The following CNTNAP5 variants were observed in gnomAD, a reference collection of about 807,000 sequenced individuals.
CNTNAP5 encodes contactin associated protein family member 5.
A neutral mutation model predicts 150.2 loss-of-function variants in CNTNAP5; 72 were observed. That is an observed-to-expected ratio of 0.48 (90% CI 0.40 to 0.58). CNTNAP5 has a LOEUF of 0.58. CNTNAP5 is among the 20% of genes least tolerant of loss of function. The probability of loss-of-function intolerance (pLI) is 0.00; values close to 1 mark genes in which losing one functional copy is unlikely to be tolerated. For synonymous variants in CNTNAP5, 672 were observed against 619.8 expected, an observed-to-expected ratio of 1.08 and a Z score of -1.25; for missense variants, 1,636 against 1,626.2, an observed-to-expected ratio of 1.01 and a Z score of -0.10.
At chr2:124,044,387 A>G (rs902712472) in intron 1 of CNTNAP5, among the ~76,000 whole-genome samples, 1 of 152,228 alleles carries the variant, frequency 6.6e-6, no homozygotes, top group Non-Finnish European at 1.5e-5. Context: ...TTTACGCTGG[A>G]GAAAAGATTT....
rs146736285 is a variant in CNTNAP5, at chr2:124,026,802, G to A, written c.82+1070G>A. Among the ~76,000 whole-genome samples the A allele has an allele frequency of 9.0e-3, 1,372 of 152,308 alleles. 6 individuals carry two copies. The highest frequency in any genetic ancestry group is 0.017 in the Middle Eastern group (5 of 294). On this transcript the variant is annotated intron_variant, in intron 1 of 23. Coordinates refer to ENST00000682447, the MANE Select transcript of CNTNAP5 (RefSeq NM_001367498.1). ...AGTTTTTGTAATTTGCACTATCATGGTTGGTTAGAGAACAGTAGGAAGATT... is the reference window on the plus strand; with the variant it reads ...AGTTTTTGTAATTTGCACTATCATGATTGGTTAGAGAACAGTAGGAAGATT...
intron 13 of CNTNAP5, among the ~76,000 whole-genome samples, chr2:124,655,923 AAGAG>A (rs138857798): frequency 0.017 from 1,809 of 105,698 alleles, 42 homozygotes; most frequent in Middle Eastern, 0.023. Flanking sequence ...GAAAGACAGA[AAGAG>A]AGAGAGAGAG....
intron 19 of CNTNAP5, among the ~76,000 whole-genome samples, chr2:124,844,215 C>T (rs1351876346): frequency 6.6e-6 from 1 of 151,994 alleles, no homozygotes; most frequent in Non-Finnish European, 1.5e-5. Context: ...GATCCAGTTT[C>T]ATTCTTTTAC....
At chr2:124,283,294 C>G (rs1688062205) in intron 3 of CNTNAP5, among the ~76,000 whole-genome samples, 1 of 151,934 alleles carries the variant, frequency 6.6e-6, no homozygotes, top group Non-Finnish European at 1.5e-5. Context: ...AACTGCTCCT[C>G]AGGACACACC....
At chr2:124,366,045 T>C (rs1277704510) in intron 3 of CNTNAP5, among the ~76,000 whole-genome samples, 1 of 152,204 alleles carries the variant, frequency 6.6e-6, no homozygotes. Context: ...TTTTTAACAT[T>C]GGTTTTTCTT....
At chr2:124,799,944 T>C (rs765195012) in intron 19 of CNTNAP5, among the ~76,000 whole-genome samples, 17 of 152,268 alleles carry the variant, frequency 1.1e-4, no homozygotes, top group Non-Finnish European at 2.2e-4. Flanking sequence ...ACACTATGGG[T>C]AATTAGATCT....
intron 3 of CNTNAP5, among the ~76,000 whole-genome samples, chr2:124,370,145 A>G (rs1477534716): frequency 6.6e-6 from 1 of 152,206 alleles, no homozygotes; most frequent in African/African-American, 2.4e-5. Context: ...TGAGAGGAAA[A>G]GGGATTCAAA....
At chr2:124,165,851 T>A (rs1253951576) in intron 1 of CNTNAP5, among the ~76,000 whole-genome samples, 2 of 152,172 alleles carry the variant, frequency 1.3e-5, no homozygotes, top group East Asian at 3.9e-4. Context: ...TTGGTAGAAA[T>A]CTGAATGTTT....
chr2:124,661,080 G>A (rs1298543415), intron 13 of CNTNAP5, among the ~76,000 whole-genome samples: 2 of 152,034 alleles, frequency 1.3e-5, no homozygotes, highest in Non-Finnish European at 2.9e-5. Flanking sequence ...GAATGTGAAG[G>A]TCTAGGAAAT....
intron 3 of CNTNAP5, among the ~76,000 whole-genome samples, chr2:124,255,305 A>C: frequency 6.6e-6 from 1 of 152,086 alleles, no homozygotes; most frequent in East Asian, 1.9e-4. Context: ...CAGGTGGATC[A>C]CAAGGTCAGG....
At chr2:124,393,079 A>C (rs1691161742) in intron 3 of CNTNAP5, among the ~76,000 whole-genome samples, 1 of 152,024 alleles carries the variant, frequency 6.6e-6, no homozygotes, top group South Asian at 2.1e-4. Flanking sequence ...TTATCATGTA[A>C]TCTAAAAAGA....
intron 1 of CNTNAP5, among the ~76,000 whole-genome samples, chr2:124,102,401 A>G (rs898648936): frequency 6.6e-6 from 1 of 152,202 alleles, no homozygotes; most frequent in Non-Finnish European, 1.5e-5. Context: ...GATTTTGCAG[A>G]TGAAAGGAAC....
In CNTNAP5 at chr2:124,177,609, C is replaced by A. The variant is rs553493649; in HGVS notation, c.83-44096C>A. 2.6e-5 allele frequency among the ~76,000 whole-genome samples: 4 copies of A among 152,180 alleles called. No individual in the cohort carries two copies. The South Asian group carries it at 8.3e-4, about 32-fold the overall frequency. ...TGTTGGTGGCTTGGAGAAACAGATA[C>A]ATGAATGTATGAGCAATGCTGGGCA... is the stretch of plus-strand genomic sequence containing the variant. On this transcript the variant is annotated intron_variant, in intron 1 of 23. Transcript: ENST00000682447.
At chr2:124,820,198 G>A (rs1020177772) in intron 19 of CNTNAP5, among the ~76,000 whole-genome samples, 5 of 151,970 alleles carry the variant, frequency 3.3e-5, no homozygotes, top group Admixed American at 6.6e-5. Context: ...TTTGTTTGCC[G>A]GGAAGGTAGA....
At chr2:124,052,784 T>C (rs1375688264) in intron 1 of CNTNAP5, among the ~76,000 whole-genome samples, 1 of 152,192 alleles carries the variant, frequency 6.6e-6, no homozygotes, top group Non-Finnish European at 1.5e-5. Flanking sequence ...TCAGCCCTCC[T>C]TTGCAGCTCT....
chr2:124,615,528 G>T (rs1677477137), intron 12 of CNTNAP5, among the ~76,000 whole-genome samples: 1 of 152,094 alleles, frequency 6.6e-6, no homozygotes, highest in African/African-American at 2.4e-5. Flanking sequence ...TCTAATTCTA[G>T]TTCTGTTGCT....
At chr2:124,870,541 T>C (rs1194732760) in intron 21 of CNTNAP5, among the ~76,000 whole-genome samples, 1 of 152,094 alleles carries the variant, frequency 6.6e-6, no homozygotes, top group East Asian at 1.9e-4. Flanking sequence ...GGGCTACTTG[T>C]AAAGTTGGAT....
rs541413617 is a variant in CNTNAP5 at position 124,681,344 on chromosome 2, C to T, written c.2077+33386C>T. ...AAAGTTGAGACAGCCATGTTGTGGG[C>T]ATGGGGGCATATATTATACAGATAA... is the stretch of plus-strand genomic sequence containing the variant. On this transcript the variant is annotated intron_variant, in intron 13 of 23. Coordinates refer to ENST00000682447, the MANE Select transcript of CNTNAP5 (RefSeq NM_001367498.1). Among the ~76,000 whole-genome samples the T allele has an allele frequency of 2.0e-5, 3 of 149,700 alleles. No homozygotes were observed. In the South Asian group the frequency reaches 6.4e-4, roughly 32 times the overall value.
chr2:124,354,174 A>C (rs1689940989), intron 3 of CNTNAP5, among the ~76,000 whole-genome samples: 1 of 152,204 alleles, frequency 6.6e-6, no homozygotes, highest in Non-Finnish European at 1.5e-5. Context: ...AAGACATTAA[A>C]ATGACCAGGT....
Sources: gnomAD v4.1 joint callset for allele counts (sites outside exome capture counted in the v4.1 genomes callset) on GRCh38, gnomAD v4.1.1 for gene constraint, MANE v1.5 for transcripts, NCBI Gene and HGNC (gene_info 2026-07-23, HGNC 2026-07-21) for gene names.